The following WNT2B variants were observed in gnomAD, a reference collection of about 807,000 sequenced individuals.
WNT2B encodes the protein Wnt family member 2B.
WNT2B carries 19 observed loss-of-function variants against 40.5 expected under a neutral mutation model. The ratio of observed to expected loss-of-function variants is 0.47; its 90% CI spans 0.33 to 0.69. WNT2B has a LOEUF of 0.69. Ranked by LOEUF, WNT2B falls within the 30% of genes least tolerant of loss-of-function variation. WNT2B has a pLI of 0.02. For missense variants in WNT2B, 467 were observed against 556.4 expected (o/e 0.84, Z 1.62); for synonymous variants, 220 against 211.9 (o/e 1.04, Z -0.33).
At chr1:112,484,282 TATATATATACAC>T (rs1557909937) in intron 1 of WNT2B, among the ~76,000 whole-genome samples, 1 of 115,402 alleles carries the variant, frequency 8.7e-6, no homozygotes, top group Non-Finnish European at 1.8e-5. Flanking sequence ...CATATATATA[TATATATATACAC>T]ACACATATAT....
chr1:112,516,204 C>A lies in WNT2B; in HGVS notation c.468C>A (p.Arg156=). Residue 156 remains arginine, a synonymous_variant, in exon 3 of 5, where the codon CGC becomes CGA. Transcript: ENST00000369684. The part of the protein sequence containing the change: ...SSAGVVHAIT[R]ACSQGELSVC... ...CAGGGGTAGTCCACGCTATTACTCG[C>A]GCCTGTAGCCAGGGTGAACTGAGTG... 6.2e-7 allele frequency: 1 copy of A among 1,614,050 alleles called. No homozygotes were observed. The highest frequency in any genetic ancestry group is 1.3e-5 in the African/African-American group (1 of 74,982).
At chr1:112,506,775 AG>A (rs894760786), upstream of WNT2B, among the ~76,000 whole-genome samples, 3 of 152,232 alleles carry the variant, frequency 2.0e-5, no homozygotes, top group African/African-American at 7.2e-5. Flanking sequence ...AAAGAAAGGG[AG>A]AGAAGGGGAA....
upstream of WNT2B, among the ~76,000 whole-genome samples, chr1:112,504,165 C>A (rs1159510717): frequency 3.9e-5 from 6 of 152,198 alleles, no homozygotes; most frequent in African/African-American, 1.4e-4. Flanking sequence ...ACCTGGGCCA[C>A]CCGCCCGGAA....
chr1:112,506,543 AAC>A (rs1475175919), upstream of WNT2B, among the ~76,000 whole-genome samples: 17 of 152,286 alleles, frequency 1.1e-4, no homozygotes, highest in Non-Finnish European at 2.1e-4. Flanking sequence ...CCCAGGTCTA[AAC>A]ACACAGGGGA....
At chr1:112,499,203 C>CAA (rs34199500) in intron 1 of WNT2B, among the ~76,000 whole-genome samples, 9 of 105,068 alleles carry the variant, frequency 8.6e-5, no homozygotes, top group Admixed American at 2.0e-4. Flanking sequence ...AAGACTGTCT[C>CAA]AAAAAAAAAA....
At position 112,509,822 on chromosome 1, in the gene WNT2B, A is replaced by G. The variant is rs755764834; in HGVS notation, c.182+378A>G. Among the ~76,000 whole-genome samples the G allele has an allele frequency of 3.3e-5, 5 of 152,154 alleles. No homozygotes were observed. The highest frequency in any genetic ancestry group is 2.1e-4 in the South Asian group (1 of 4,822). Reference sequence around the variant, plus strand: ...CCGCAATAGCTTCGCCAGGGCCCCAATCGCCTAAGGTCGCCCTCTGAGAGG... The same window carrying G: ...CCGCAATAGCTTCGCCAGGGCCCCAGTCGCCTAAGGTCGCCCTCTGAGAGG... On this transcript the variant is annotated intron_variant, in intron 1 of 4. Transcript: ENST00000369684. This position sits in a 1 kb window ranked among gnomAD's most constrained non-coding sequence, Gnocchi z 4.2.
At position 112,516,377 on chromosome 1, in the gene WNT2B, G is replaced by A. The variant is rs770616476; in HGVS notation, c.641G>A (p.Arg214Gln). ...DAKEKRLKDARALMNLHNNRC... is the reference protein window; with the variant it reads ...DAKEKRLKDAQALMNLHNNRC... ...AAGGAGAAGAGGCTTAAGGATGCCCGGGCCCTCATGAACTTACATAATAAC... is the reference window on the plus strand; with the variant it reads ...AAGGAGAAGAGGCTTAAGGATGCCCAGGCCCTCATGAACTTACATAATAAC... Residue 214 changes from arginine to glutamine, a missense_variant, in exon 3 of 5, where the codon CGG (arginine) becomes CAG (glutamine). Physicochemically the swap from Arg to Gln is conservative, Grantham distance 43. This residue lies in a region of WNT2B where 330 missense variants were observed against 438.6 expected (regional missense o/e 0.75). Coordinates refer to ENST00000369684, the MANE Select transcript of WNT2B (RefSeq NM_024494.3). 12 of 1,613,670 alleles carry A rather than the reference G, an allele frequency of 7.4e-6. No homozygotes were observed. The highest frequency in any genetic ancestry group is 2.7e-5 in the African/African-American group (2 of 74,844).
At chr1:112,514,218 A>G (rs764966451) in intron 1 of WNT2B, among the ~76,000 whole-genome samples, 8 of 152,164 alleles carry the variant, frequency 5.3e-5, no homozygotes, top group Non-Finnish European at 1.0e-4. Context: ...TAAAAGGTTC[A>G]TTAGTTAAGA....
At chr1:112,498,106 GTGT>G (rs1467591166) in intron 1 of WNT2B, among the ~76,000 whole-genome samples, 1 of 150,860 alleles carries the variant, frequency 6.6e-6, no homozygotes, top group Non-Finnish European at 1.5e-5. Context: ...GCCCCGGTGT[GTGT>G]TGTTCCCCTC....
upstream of WNT2B, among the ~76,000 whole-genome samples, chr1:112,504,730 T>C (rs1037534334): frequency 4.6e-5 from 7 of 152,094 alleles, no homozygotes; most frequent in African/African-American, 1.7e-4. Flanking sequence ...TCAGGGCCCC[T>C]TGTGCAAGCA....
rs113107828 is a variant in WNT2B at position 112,471,452 on chromosome 1, C to T, written c.-95+3861C>T. Among the ~76,000 whole-genome samples the T allele has an allele frequency of 9.0e-3, 1,372 of 152,314 alleles. 26 individuals are homozygous for T. Among genetic ancestry groups the T allele is most frequent in the African/African-American group, 0.032 (1,320 of 41,560 alleles). On this transcript the variant is annotated intron_variant, in intron 1 of 4. Transcript: ENST00000256640. ...CTCTGTTGAACTCCAGTGTTCTCTCCTAGATGTTCTATTGGAGGTATGATT... is the reference window on the plus strand; with the variant it reads ...CTCTGTTGAACTCCAGTGTTCTCTCTTAGATGTTCTATTGGAGGTATGATT...
rs1650740853 is a variant in WNT2B, at chr1:112,467,479, T to G, written c.-207T>G. 3 of 765,696 alleles carry G rather than the reference T, an allele frequency of 3.9e-6. No homozygotes were observed. The Admixed American group carries it at 5.4e-5, about 14-fold the overall frequency. The allele number at this position is 765,696 out of a possible 1,614,324, so 47.4% of individuals were successfully genotyped here. A position where few individuals can be genotyped will look rare whatever the true frequency, so the allele number is the denominator to read the frequency against. On this transcript the variant is annotated 5_prime_UTR_variant, in exon 1 of 5. Transcript: ENST00000256640. ...TTGCAAAATAAGATTAAATCTTAAC[T>G]GCAATCTGTTAACACTGCTGTCTCC...
Position 112,510,960 on chromosome 1 carries a change from C to T in WNT2B, c.182+1516C>T, listed in dbSNP as rs558354710. Among the ~76,000 whole-genome samples the T allele has an allele frequency of 4.6e-5, 7 of 152,302 alleles. No homozygotes were observed. In the South Asian group the frequency reaches 1.4e-3, roughly 32 times the overall value. ...ACAACATGAAGTAACCGCTGCCCAT[C>T]TTTATCTGGCTCAGACAGCAGTTTG... On this transcript the variant is annotated intron_variant, in intron 1 of 4. Coordinates refer to ENST00000369684, the MANE Select transcript of WNT2B (RefSeq NM_024494.3).
At chr1:112,477,885 A>G (rs760493074) in intron 1 of WNT2B, among the ~76,000 whole-genome samples, 3 of 152,232 alleles carry the variant, frequency 2.0e-5, no homozygotes, top group Admixed American at 1.3e-4. Flanking sequence ...AAGAAAGCCT[A>G]TGGGATTTAT....
Position 112,514,879 on chromosome 1 carries a change from T to C in WNT2B, c.188T>C (p.Ile63Thr), listed in dbSNP as rs1652471899. Residue 63 changes from isoleucine (I) to threonine (T), a missense_variant, in exon 2 of 5, where the codon ATT becomes ACT. Around this residue, in one of 2 missense-constraint regions of WNT2B, gnomAD observed 137 missense variants for 117.7 expected, o/e 1.16. Coordinates refer to ENST00000369684, the MANE Select transcript of WNT2B (RefSeq NM_024494.3). ...GGGCCATCTCTGCCTTGCAGGTACATTGGGGCACTGGGGGCACGAGTGATC... is the reference window on the plus strand; with the variant it reads ...GGGCCATCTCTGCCTTGCAGGTACACTGGGGCACTGGGGGCACGAGTGATC... ...PARVDTSWWY[I>T]GALGARVICD... 1.2e-6 allele frequency: 2 copies of C among 1,614,208 alleles called. No individual in the cohort carries two copies. Among genetic ancestry groups the C allele is most frequent in the Non-Finnish European group, 1.7e-6 (2 of 1,180,024 alleles).
upstream of WNT2B, among the ~76,000 whole-genome samples, chr1:112,505,114 G>C (rs1652070950): frequency 6.6e-6 from 1 of 152,232 alleles, no homozygotes; most frequent in Non-Finnish European, 1.5e-5. Flanking sequence ...CCACTTTTGA[G>C]AGGACAGGAG....
intron 1 of WNT2B, among the ~76,000 whole-genome samples, chr1:112,511,978 A>G (rs1198836464): frequency 6.6e-6 from 1 of 152,148 alleles, no homozygotes; most frequent in Non-Finnish European, 1.5e-5. Context: ...TGGCATTAAG[A>G]GCAGATTCAT....
At chr1:112,496,569 G>C (rs1010760019) in intron 1 of WNT2B, among the ~76,000 whole-genome samples, 2 of 151,938 alleles carry the variant, frequency 1.3e-5, no homozygotes, top group Non-Finnish European at 2.9e-5. Flanking sequence ...TGTAATAGTG[G>C]GACAGGTGTA....
chr1:112,467,430 G>C (rs1484021669), exon 1 of WNT2B: 2 of 689,160 alleles, frequency 2.9e-6, no homozygotes, highest in African/African-American at 3.5e-5. Flanking sequence ...ACCCTGAAGA[G>C]CCCAAGCAAT....
Sources: gnomAD v4.1 joint callset for allele counts (sites outside exome capture counted in the v4.1 genomes callset) on GRCh38, gnomAD v4.1.1 for gene constraint, gnomAD v4.1.1 regional missense constraint, Gnocchi (gnomAD v3.1) non-coding constraint, MANE v1.5 for transcripts, NCBI Gene and HGNC (gene_info 2026-07-23, HGNC 2026-07-21) for gene names.